Variants in COL6A1 observed in about 807,000 individuals in gnomAD.
COL6A1 encodes the protein collagen alpha-1(VI) chain.
Under a neutral mutation model 145.6 loss-of-function variants are expected in COL6A1, and 80 were observed. That is an observed-to-expected ratio of 0.55 (90% CI 0.46 to 0.66). The LOEUF (loss-of-function observed/expected upper bound fraction) is 0.66. Ranked by LOEUF, COL6A1 falls within the 30% of genes least tolerant of loss-of-function variation. The pLI is 0.00. For missense variants in COL6A1, 1,364 were observed against 1,473.8 expected (o/e 0.93, Z 1.22); for synonymous variants, 638 against 622.8 (o/e 1.02, Z -0.36).
chr21:45,982,941 C>T (rs763947221), intron 2 of COL6A1, among the ~76,000 whole-genome samples, 178 bp downstream of exon 2: 15 of 152,192 alleles, frequency 9.9e-5, no homozygotes, highest in Non-Finnish European at 1.3e-4. Context: ...TTCCGGCGCC[C>T]TCCAGAGTGA....
In COL6A1 at chr21:46,001,270, A is replaced by G. The variant is rs759106169; in HGVS notation, c.1840A>G (p.Ile614Val). Residue 614 changes from isoleucine (I) to valine (V), a missense_variant, in exon 30 of 35, where the codon ATC becomes GTC. By Grantham distance (29) the Ile-to-Val change is conservative. Transcript: ENST00000361866. ...GCCTGCAGAATGCAAGTGCGGCCCC[A>G]TCGACCTCCTGTTCGTGCTGGACAG... ...CSCCECKCGP[I>V]DLLFVLDSSE... is the part of the protein sequence containing the mutation. The G allele has an allele frequency of 1.9e-6, 3 of 1,609,906 alleles. No homozygotes were observed. Among genetic ancestry groups the G allele is most frequent in the African/African-American group, 2.7e-5 (2 of 74,922 alleles).
At position 46,004,397 on chromosome 21, in the gene COL6A1, C is replaced by G. The variant is rs1386478305; in HGVS notation, c.*384C>G. 5.5e-6 allele frequency: 2 copies of G among 363,040 alleles called. No homozygotes were observed. Among genetic ancestry groups the G allele is most frequent in the Non-Finnish European group, 1.0e-5 (2 of 191,748 alleles). 22.5% of individuals were successfully genotyped at this position (363,040 alleles called of 1,614,324 possible). A position where few individuals can be genotyped will look rare whatever the true frequency, so the allele number is the denominator to read the frequency against. On this transcript the variant is annotated 3_prime_UTR_variant, in exon 35 of 35. Transcript: ENST00000361866. ...CCCTCCTGCCCGCCCTCCCTCCTGC[C>G]TGCGCAGCTCCTTCCCTAGGCACCT...
intron 2 of COL6A1, 126 bp from the exon 3 acceptor site, chr21:45,984,143 C>A: frequency 1.0e-6 from 1 of 993,874 alleles, no homozygotes; most frequent in Non-Finnish European, 1.5e-6. Flanking sequence ...CAGGGCAAGT[C>A]CAGCTGTGTG....
At position 45,984,509 on chromosome 21, in the gene COL6A1, G is replaced by A. The variant is rs71324475; in HGVS notation, c.428+40G>A. On this transcript the variant is annotated intron_variant, in intron 3 of 34. Coordinates refer to ENST00000361866, the MANE Select transcript of COL6A1 (RefSeq NM_001848.3). ...GCCTCCTGCCCACGCCAGTTCTCACGCGTGGTACCCAGCCTGGGCTGGGGT... is the reference window on the plus strand; with the variant it reads ...GCCTCCTGCCCACGCCAGTTCTCACACGTGGTACCCAGCCTGGGCTGGGGT... 107,089 of 1,590,536 alleles carry A rather than the reference G, an allele frequency of 0.067. 4,186 individuals are homozygous for A. The highest frequency in any genetic ancestry group is 0.081 in the Non-Finnish European group (94,549 of 1,169,890).
rs1249287650 is a variant in COL6A1 at position 45,989,157 on chromosome 21, G to A, written c.858+20G>A. 6.3e-7 allele frequency: 1 copy of A among 1,584,556 alleles called. No homozygotes were observed. The highest frequency in any genetic ancestry group is 1.4e-5 in the African/African-American group (1 of 73,302). On this transcript the variant is annotated intron_variant, in intron 9 of 34. Coordinates refer to ENST00000361866, the MANE Select transcript of COL6A1 (RefSeq NM_001848.3). ...GATCCTGTGAGTGCCTGACTGTGGG[G>A]TGGGGGCCCTAAGAAGCTGGAGGCG...
rs2276254 is a variant in COL6A1 at position 45,997,501 on chromosome 21, C to A, written c.1461+18C>A. On this transcript the variant is annotated intron_variant, in intron 21 of 34. Transcript: ENST00000361866. Reference sequence around the variant, plus strand: ...GGTCCGAGGTGAGTCCCACTCCCCACCCACACCCGCCCACCCAGGGGGGCC... The same window carrying A: ...GGTCCGAGGTGAGTCCCACTCCCCAACCACACCCGCCCACCCAGGGGGGCC... The A allele has an allele frequency of 0.57, 921,304 of 1,606,648 alleles. 265,516 individuals carry two copies. Among genetic ancestry groups the A allele is most frequent in the East Asian group, 0.74 (32,934 of 44,778 alleles).
chr21:45,994,155 G>A lies in COL6A1; in HGVS notation c.1336-12G>A, dbSNP rs746917431. 3.0e-5 allele frequency: 48 copies of A among 1,591,102 alleles called. No homozygotes were observed. Among genetic ancestry groups the A allele is most frequent in the East Asian group, 1.4e-4 (6 of 43,606 alleles). On this transcript the variant is annotated splice_polypyrimidine_tract_variant and intron_variant, in intron 19 of 34. Coordinates refer to ENST00000361866, the MANE Select transcript of COL6A1 (RefSeq NM_001848.3). This position sits in a 1 kb window ranked among gnomAD's most constrained non-coding sequence, Gnocchi z 6.8. ...TGGCCCAGCTCCACACTCACGGCTCGTTTCTCTTCAGGGTGAAGCTGGCCC... is the reference window on the plus strand; with the variant it reads ...TGGCCCAGCTCCACACTCACGGCTCATTTCTCTTCAGGGTGAAGCTGGCCC...
chr21:46,001,461 G>T, intron 30 of COL6A1, 75 bp downstream of exon 30: 6 of 1,580,142 alleles, frequency 3.8e-6, no homozygotes, highest in Non-Finnish European at 5.2e-6. Flanking sequence ...GCCCGCGCCA[G>T]ACCTCAGCCT....
chr21:45,987,548 G>C (rs370715310), intron 7 of COL6A1, 29 bp downstream of exon 7: 3 of 1,612,554 alleles, frequency 1.9e-6, no homozygotes, highest in Non-Finnish European at 2.5e-6. Context: ...CCCTGACCCC[G>C]CGCCCTGCAC....
At chr21:45,999,783 C>G (rs8131101) in intron 27 of COL6A1, 91 bp downstream of exon 27, 139 of 1,079,714 alleles carry the variant, frequency 1.3e-4, no homozygotes, top group Non-Finnish European at 1.5e-4. Context: ...CTCCTGTAGA[C>G]GCTGCTCACG....
intron 2 of COL6A1, among the ~76,000 whole-genome samples, chr21:45,983,368 C>G (rs954519513): frequency 6.8e-6 from 1 of 147,480 alleles, no homozygotes; most frequent in Non-Finnish European, 1.5e-5. Flanking sequence ...AGAGGGGAGT[C>G]GGTCCTGTGG....
intron 2 of COL6A1, among the ~76,000 whole-genome samples, chr21:45,983,979 C>T (rs912676753): frequency 1.3e-5 from 2 of 152,210 alleles, no homozygotes; most frequent in Non-Finnish European, 2.9e-5. Context: ...CCTTCCCCCA[C>T]TGTCATGCTG....
Position 45,987,085 on chromosome 21 carries a change from C to T in COL6A1, c.717+13C>T, listed in dbSNP as rs2077743611. 1.9e-6 allele frequency: 3 copies of T among 1,561,810 alleles called. No homozygotes were observed. The highest frequency in any genetic ancestry group is 2.6e-6 in the Non-Finnish European group (3 of 1,153,574). ...CGTGGACATGATCGTGAGGCCCCTG[C>T]CCAGGAGACGGGGAGGCCCGCGGCG... On this transcript the variant is annotated intron_variant, in intron 5 of 34. Coordinates refer to ENST00000361866, the MANE Select transcript of COL6A1 (RefSeq NM_001848.3).
chr21:46,002,515 C>T lies in COL6A1; in HGVS notation c.2251-12C>T. 1 of 1,613,846 alleles carries T rather than the reference C, an allele frequency of 6.2e-7. No individual in the cohort carries two copies. Among genetic ancestry groups the T allele is most frequent in the Non-Finnish European group, 8.5e-7 (1 of 1,179,792 alleles). On this transcript the variant is annotated splice_polypyrimidine_tract_variant and intron_variant, in intron 32 of 34. Transcript: ENST00000361866. The stretch of plus-strand genomic sequence containing the variant: ...GCAGGCTGCGCCACACCGATACTGT[C>T]TGTCCCCACAGGTGGTCTCCGTGGG...
At chr21:45,998,205 GC>G in intron 23 of COL6A1, 34 bp downstream of exon 23, 1 of 1,608,300 alleles carries the variant, frequency 6.2e-7, no homozygotes, top group Non-Finnish European at 8.5e-7. Context: ...ACAGGAACAT[GC>G]CCAAGCTGCC....
chr21:45,998,798 A>C, intron 24 of COL6A1, 99 bp from the exon 25 acceptor site: 1 of 1,319,414 alleles, frequency 7.6e-7, no homozygotes, highest in East Asian at 2.5e-5. Flanking sequence ...AGGGAAGAGA[A>C]GAGTGCCTCT....
intron 29 of COL6A1, chr21:46,001,028 GC>G: frequency 1.4e-6 from 1 of 713,436 alleles, no homozygotes; most frequent in South Asian, 1.8e-5. Context: ...TGGCCCACAG[GC>G]CCCACCCTAG....
intron 20 of COL6A1, among the ~76,000 whole-genome samples, chr21:45,995,483 G>A (rs1305618473): frequency 2.0e-5 from 3 of 152,268 alleles, no homozygotes; most frequent in Non-Finnish European, 4.4e-5. Context: ...CTTGGTAGCT[G>A]AAAGTCTCAG....
At chr21:45,982,809 T>C (rs2077715664) in intron 2 of COL6A1, 46 bp downstream of exon 2, 1 of 1,605,364 alleles carries the variant, frequency 6.2e-7, no homozygotes, top group African/African-American at 1.3e-5. Flanking sequence ...TCTGGGCCTC[T>C]TGGAGGGAGG....
Sources: allele counts gnomAD v4.1 joint callset (sites outside exome capture counted in the v4.1 genomes callset), GRCh38; gene constraint gnomAD v4.1.1; non-coding constraint Gnocchi (gnomAD v3.1); transcripts MANE v1.5; gene names NCBI Gene and HGNC (gene_info 2026-07-23, HGNC 2026-07-21).